The following PTPRD variants were observed in gnomAD, a reference collection of about 807,000 sequenced individuals.
PTPRD encodes the protein receptor-type tyrosine-protein phosphatase delta.
Under a neutral mutation model 214.5 loss-of-function variants are expected in PTPRD, and 34 were observed. The observed-to-expected ratio is 0.16, with a 90% confidence interval of 0.12 to 0.21. The LOEUF is 0.21. Ranked by LOEUF, PTPRD falls within the 10% of genes least tolerant of loss-of-function variation. The pLI is 1.00. For synonymous variants in PTPRD, 1,128 were observed against 845.7 expected, an observed-to-expected ratio of 1.33 and a Z score of -5.79; for missense variants, 2,545 against 2,398.7, an observed-to-expected ratio of 1.06 and a Z score of -1.27.
chr9:9,067,884 A>G (rs1590953827), intron 10 of PTPRD, among the ~76,000 whole-genome samples: 1 of 152,212 alleles, frequency 6.6e-6, no homozygotes, highest in East Asian at 1.9e-4. Flanking sequence ...TATCACATGT[A>G]GATTTGTGTA....
chr9:10,182,466 T>C (rs866779306), intron 3 of PTPRD, among the ~76,000 whole-genome samples: 1 of 152,072 alleles, frequency 6.6e-6, no homozygotes, highest in Middle Eastern at 3.4e-3. Context: ...TTGAAAAATA[T>C]GATAAGTATA....
At chr9:9,777,672 G>A (rs1376384610) in intron 5 of PTPRD, among the ~76,000 whole-genome samples, 2 of 152,064 alleles carry the variant, frequency 1.3e-5, no homozygotes, top group South Asian at 2.1e-4. Flanking sequence ...ACTGTAGTGT[G>A]CGCAACAGAG....
At chr9:9,830,215 A>T (rs1363815029) in intron 5 of PTPRD, among the ~76,000 whole-genome samples, 1 of 151,848 alleles carries the variant, frequency 6.6e-6, no homozygotes, top group Non-Finnish European at 1.5e-5. Context: ...TATTTTTAAA[A>T]AGTTTTATTA....
Position 9,244,325 on chromosome 9 carries a change from C to T in PTPRD, c.-202-60962G>A, listed in dbSNP as rs1350239754. ...TGGAACCAAAAAAGAGCCCGCATTGCCAAGTCAATCCTAAGCCAAAAGAAC... is the reference window on the plus strand; with the variant it reads ...TGGAACCAAAAAAGAGCCCGCATTGTCAAGTCAATCCTAAGCCAAAAGAAC... On this transcript the variant is annotated intron_variant, in intron 9 of 45. Coordinates refer to ENST00000381196, the MANE Select transcript of PTPRD (RefSeq NM_002839.4). Among the ~76,000 whole-genome samples, 3 of 152,060 alleles carry T rather than the reference C, an allele frequency of 2.0e-5. 1 individual carries two copies. Among genetic ancestry groups the T allele is most frequent in the Non-Finnish European group, 4.4e-5 (3 of 68,022 alleles).
intron 5 of PTPRD, among the ~76,000 whole-genome samples, chr9:9,825,399 A>T (rs1015262504): frequency 2.9e-5 from 3 of 104,264 alleles, no homozygotes; most frequent in Non-Finnish European, 5.7e-5. Context: ...AGAGAGACAG[A>T]GAGAGAAAGA....
At chr9:9,610,901 G>T (rs549104681) in intron 7 of PTPRD, among the ~76,000 whole-genome samples, 3 of 152,176 alleles carry the variant, frequency 2.0e-5, no homozygotes, top group Middle Eastern at 3.4e-3. Flanking sequence ...CCCACATGAA[G>T]ACCAGGGGCT....
chr9:9,093,829 T>C (rs756843675), intron 10 of PTPRD, among the ~76,000 whole-genome samples: 3 of 149,738 alleles, frequency 2.0e-5, no homozygotes, highest in African/African-American at 4.9e-5. Context: ...AGAGCGGACA[T>C]AAATAATATG....
At chr9:9,921,182 G>C (rs1310396618) in intron 5 of PTPRD, among the ~76,000 whole-genome samples, 1 of 152,014 alleles carries the variant, frequency 6.6e-6, no homozygotes, top group Admixed American at 6.6e-5. Flanking sequence ...TAGCTCCCTT[G>C]ATGTCTGTTC....
intron 3 of PTPRD, among the ~76,000 whole-genome samples, chr9:10,258,916 T>A (rs941007347): frequency 1.3e-5 from 2 of 152,260 alleles, no homozygotes; most frequent in Admixed American, 1.3e-4. Context: ...AAATAAAATA[T>A]GATAAATTCA....
chr9:8,956,553 A>G (rs1300085027), intron 11 of PTPRD, among the ~76,000 whole-genome samples: 1 of 151,790 alleles, frequency 6.6e-6, no homozygotes, highest in Non-Finnish European at 1.5e-5. Context: ...CTAGTGGGCT[A>G]TGTGTAAATT....
intron 11 of PTPRD, among the ~76,000 whole-genome samples, chr9:8,927,083 T>C (rs1417527755): frequency 6.6e-6 from 1 of 152,084 alleles, no homozygotes; most frequent in East Asian, 1.9e-4. Context: ...CAGAGCAAGT[T>C]AGTAGCTACA....
intron 5 of PTPRD, among the ~76,000 whole-genome samples, chr9:9,886,439 G>A (rs1031263292): frequency 6.6e-6 from 1 of 152,068 alleles, no homozygotes; most frequent in African/African-American, 2.4e-5. Context: ...CCATAAAAAA[G>A]GGAGGTTTAA....
At chr9:8,388,725 C>T (rs867131225) in intron 37 of PTPRD, among the ~76,000 whole-genome samples, 4 of 152,114 alleles carry the variant, frequency 2.6e-5, no homozygotes, top group African/African-American at 4.8e-5. Flanking sequence ...TTTTCTCAGC[C>T]GTGTATTCAG....
At chr9:10,502,177 A>C (rs529338621) in intron 2 of PTPRD, among the ~76,000 whole-genome samples, 2 of 152,088 alleles carry the variant, frequency 1.3e-5, no homozygotes, top group African/African-American at 4.8e-5. Flanking sequence ...TTTTCAAGTA[A>C]ATTTTGTCAA....
At chr9:9,068,182 T>C (rs2099737999) in intron 10 of PTPRD, among the ~76,000 whole-genome samples, 1 of 152,236 alleles carries the variant, frequency 6.6e-6, no homozygotes, top group Non-Finnish European at 1.5e-5. Context: ...GATTTCTTTT[T>C]GTCCTTTTTA....
chr9:9,143,567 AC>A (rs2099863734), intron 10 of PTPRD, among the ~76,000 whole-genome samples: 1 of 152,216 alleles, frequency 6.6e-6, no homozygotes, highest in Non-Finnish European at 1.5e-5. Context: ...ATTTTTAAAG[AC>A]CGAATGTTTT....
At chr9:9,088,481 G>T (rs2099770699) in intron 10 of PTPRD, among the ~76,000 whole-genome samples, 3 of 146,864 alleles carry the variant, frequency 2.0e-5, no homozygotes, top group Middle Eastern at 3.6e-3. Flanking sequence ...TCGGGAGGAT[G>T]AGGCATGAGA....
chr9:9,173,890 C>A (rs937778331), intron 10 of PTPRD, among the ~76,000 whole-genome samples: 2 of 152,104 alleles, frequency 1.3e-5, no homozygotes, highest in South Asian at 4.1e-4. Context: ...CCAATATCTG[C>A]AGTGTCTGGC....
intron 5 of PTPRD, among the ~76,000 whole-genome samples, chr9:9,827,896 T>C (rs1357841938): frequency 6.6e-6 from 1 of 151,966 alleles, no homozygotes; most frequent in Non-Finnish European, 1.5e-5. Context: ...AAAAGACACA[T>C]GAAAAAATGC....
Sources: allele counts gnomAD v4.1 joint callset (sites outside exome capture counted in the v4.1 genomes callset), GRCh38; gene constraint gnomAD v4.1.1; transcripts MANE v1.5; gene names NCBI Gene and HGNC (gene_info 2026-07-23, HGNC 2026-07-21).